AFF1: variants seen among roughly 807,000 people sequenced by gnomAD.
The protein encoded by AFF1 is AF4/FMR2 family member 1.
Under a neutral mutation model 121.7 loss-of-function variants are expected in AFF1, and 48 were observed. The observed-to-expected ratio is 0.39, with a 90% CI of 0.31 to 0.50. The LOEUF (loss-of-function observed/expected upper bound fraction) is 0.50, where lower values mean the gene tolerates loss of function less well. Among genes scored for constraint, AFF1 ranks in the 20% least tolerant of loss-of-function variants. The probability of loss-of-function intolerance (pLI) is 0.76; values close to 1 mark genes in which losing one functional copy is unlikely to be tolerated. For synonymous variants in AFF1, 613 were observed against 563.0 expected (o/e 1.09, Z -1.26); for missense variants, 1,523 against 1,511.7 (o/e 1.01, Z -0.12).
intron 2 of AFF1, among the ~76,000 whole-genome samples, chr4:87,030,034 A>G (rs894587498): frequency 2.0e-5 from 3 of 152,236 alleles, no homozygotes; most frequent in African/African-American, 7.2e-5. Context: ...CCTGAAGTCA[A>G]GAAGGCAGAT....
Position 87,114,889 on chromosome 4 carries a change from C to G in AFF1, c.2056C>G (p.Pro686Ala). 6.2e-7 allele frequency: 1 copy of G among 1,612,790 alleles called. No individual in the cohort carries two copies. The highest frequency in any genetic ancestry group is 1.3e-5 in the African/African-American group (1 of 74,962). ...KKKHKSSLPAPSKALSGPEPA... is the reference protein window; with the variant it reads ...KKKHKSSLPAASKALSGPEPA... ...GAAGCACAAGAGCTCCCTCCCTGCCCCCTCTAAGGCTCTCTCAGGCCCAGA... is the reference window on the plus strand; with the variant it reads ...GAAGCACAAGAGCTCCCTCCCTGCCGCCTCTAAGGCTCTCTCAGGCCCAGA... The change falls in exon 12 of 21, where the codon CCC becomes GCC. Residue 686 changes from proline to alanine, a missense_variant. By Grantham distance (27) the Pro-to-Ala change is conservative (BLOSUM62 -1). Coordinates refer to ENST00000395146, the MANE Select transcript of AFF1 (RefSeq NM_001166693.3).
At chr4:87,122,310 C>T (rs1422153008) in intron 12 of AFF1, among the ~76,000 whole-genome samples, 1 of 152,190 alleles carries the variant, frequency 6.6e-6, no homozygotes, top group Non-Finnish European at 1.5e-5. Flanking sequence ...GTTACCAGTA[C>T]CAGAAGTCAG....
At chr4:87,101,751 T>C (rs567660474) in intron 8 of AFF1, among the ~76,000 whole-genome samples, 1 of 152,356 alleles carries the variant, frequency 6.6e-6, no homozygotes, top group African/African-American at 2.4e-5. Context: ...GTGTTACTTT[T>C]CTTATTATTT....
intron 11 of AFF1, among the ~76,000 whole-genome samples, chr4:87,111,132 CG>C (rs1726481091): frequency 1.3e-5 from 1 of 76,204 alleles, no homozygotes; most frequent in Non-Finnish European, 2.8e-5. Context: ...CTCAGCCTCC[CG>C]AGTAGCTGGG....
chr4:87,017,338 G>C (rs1727406026), intron 2 of AFF1, among the ~76,000 whole-genome samples: 1 of 152,006 alleles, frequency 6.6e-6, no homozygotes, highest in African/African-American at 2.4e-5. Context: ...TTGATTATTA[G>C]AAAATTATAT....
chr4:87,066,185 C>T (rs984416582), intron 4 of AFF1, among the ~76,000 whole-genome samples: 5 of 152,154 alleles, frequency 3.3e-5, no homozygotes, highest in African/African-American at 1.2e-4. Context: ...TGACATCCAT[C>T]CTAATAAGCA....
intron 2 of AFF1, among the ~76,000 whole-genome samples, chr4:86,957,637 G>A (rs1721838414): frequency 6.6e-6 from 1 of 152,046 alleles, no homozygotes; most frequent in Admixed American, 6.6e-5. Context: ...CTGCCTCTTG[G>A]GTTCAAGCAA....
intron 4 of AFF1, among the ~76,000 whole-genome samples, chr4:87,070,633 A>G (rs1471418863): frequency 1.3e-5 from 2 of 152,264 alleles, no homozygotes; most frequent in African/African-American, 2.4e-5. Context: ...GTTGTTTCTC[A>G]TAAGAAACTT....
At chr4:87,039,692 A>G (rs970583356) in intron 2 of AFF1, among the ~76,000 whole-genome samples, 1 of 152,192 alleles carries the variant, frequency 6.6e-6, no homozygotes, top group Non-Finnish European at 1.5e-5. Context: ...TTGATACATC[A>G]GGTTGAACCT....
intron 7 of AFF1, among the ~76,000 whole-genome samples, chr4:87,094,485 G>A (rs531656196): frequency 5.5e-4 from 83 of 152,288 alleles, no homozygotes; most frequent in African/African-American, 1.9e-3. Context: ...GTTGAATAAT[G>A]AAGGGACAGG....
chr4:86,949,915 C>A (rs936195442), intron 2 of AFF1: 21 of 1,613,888 alleles, frequency 1.3e-5, no homozygotes, highest in Non-Finnish European at 1.7e-5. Flanking sequence ...ATGGGATCTT[C>A]CGCGTCTTGG....
intron 2 of AFF1, among the ~76,000 whole-genome samples, chr4:86,957,248 A>G (rs145816749): frequency 3.1e-4 from 47 of 152,292 alleles, no homozygotes; most frequent in African/African-American, 1.1e-3. Flanking sequence ...GATGTGGGAA[A>G]GAACCATTTT....
chr4:87,059,848 T>A (rs1026990129), intron 4 of AFF1, among the ~76,000 whole-genome samples: 4 of 152,172 alleles, frequency 2.6e-5, no homozygotes, highest in South Asian at 2.1e-4. Context: ...GTGGTAAACA[T>A]TTTGAGGGCA....
chr4:87,087,065 A>G (rs1239296337), intron 5 of AFF1, among the ~76,000 whole-genome samples: 2 of 152,172 alleles, frequency 1.3e-5, no homozygotes, highest in Non-Finnish European at 2.9e-5. Context: ...GTGCATGGAG[A>G]CACCTCAGAT....
In AFF1 at chr4:86,986,023, T is replaced by A. The variant is rs576668143; in HGVS notation, c.38+37452T>A. On this transcript the variant is annotated intron_variant, in intron 2 of 20. Transcript: ENST00000395146. The stretch of plus-strand genomic sequence containing the variant: ...TAATTAAACACCTGAATCCTTTTTT[T>A]AAAATTTAATTCAATTCAATTTAAT... Among the ~76,000 whole-genome samples the A allele has an allele frequency of 4.7e-5, 7 of 149,416 alleles. No homozygotes were observed. In the South Asian group the frequency reaches 6.4e-4, roughly 14 times the overall value.
chr4:87,106,606 T>C (rs1725937636), intron 10 of AFF1, among the ~76,000 whole-genome samples: 1 of 152,234 alleles, frequency 6.6e-6, no homozygotes, highest in Admixed American at 6.5e-5. Context: ...TGACCAGCAG[T>C]ACATTTTAGT....
intron 4 of AFF1, among the ~76,000 whole-genome samples, chr4:87,071,320 A>G (rs1722031060): frequency 6.6e-6 from 1 of 152,190 alleles, no homozygotes. Flanking sequence ...TTTACCTAGA[A>G]GAGATAATAA....
intron 2 of AFF1, among the ~76,000 whole-genome samples, chr4:87,008,462 C>CT (rs969506046): frequency 1.3e-5 from 2 of 152,192 alleles, no homozygotes; most frequent in Non-Finnish European, 2.9e-5. Flanking sequence ...GTGCTACCTG[C>CT]TTTTTATATT....
chr4:86,968,703 G>C (rs190242208), intron 2 of AFF1, among the ~76,000 whole-genome samples: 2 of 152,326 alleles, frequency 1.3e-5, no homozygotes, highest in East Asian at 1.9e-4. Context: ...GGACGGAAGA[G>C]GGGGAGAAAC....
Sources: allele counts gnomAD v4.1 joint callset (sites outside exome capture counted in the v4.1 genomes callset), GRCh38; gene constraint gnomAD v4.1.1; transcripts MANE v1.5; gene names NCBI Gene and HGNC (gene_info 2026-07-23, HGNC 2026-07-21).